PATJ: variants seen among roughly 807,000 people sequenced by gnomAD.
PATJ encodes PATJ crumbs cell polarity complex component, also known as inaD-like protein.
Under a neutral mutation model 224.9 loss-of-function variants are expected in PATJ, and 190 were observed. The observed-to-expected ratio is 0.84, with a 90% confidence interval of 0.75 to 0.95. PATJ has a LOEUF of 0.95. PATJ is among the 40% of genes least tolerant of loss of function. The pLI, the probability that PATJ is intolerant of heterozygous loss-of-function variation, is 0.00. For missense variants in PATJ, 2,121 were observed against 2,270.3 expected (o/e 0.93, Z 1.34); for synonymous variants, 769 against 820.3 (o/e 0.94, Z 1.07).
chr1:62,104,561 C>T (rs1662647825), intron 33 of PATJ, among the ~76,000 whole-genome samples: 1 of 152,084 alleles, frequency 6.6e-6, no homozygotes, highest in Non-Finnish European at 1.5e-5. Context: ...CCCCTAAATA[C>T]ACTAGATGAA....
At chr1:62,101,501 CA>C (rs1380955463) in intron 33 of PATJ, among the ~76,000 whole-genome samples, 16 of 152,018 alleles carry the variant, frequency 1.1e-4, no homozygotes, top group African/African-American at 3.9e-4. Flanking sequence ...GACCTCAGGT[CA>C]TCTGCCTGCC....
intron 25 of PATJ, among the ~76,000 whole-genome samples, chr1:61,911,645 C>T (rs1229342185): frequency 6.7e-6 from 1 of 149,834 alleles, no homozygotes; most frequent in Non-Finnish European, 1.5e-5. Flanking sequence ...TAATTTTTTC[C>T]ACTTAATAAC....
At chr1:62,084,835 G>C (rs1250909698) in intron 33 of PATJ, among the ~76,000 whole-genome samples, 187 bp downstream of exon 33, 1 of 152,090 alleles carries the variant, frequency 6.6e-6, no homozygotes, top group African/African-American at 2.4e-5. Context: ...ATTTTCAACA[G>C]TGCTGGGCGC....
At chr1:61,826,537 C>T (rs1658301262) in intron 15 of PATJ, among the ~76,000 whole-genome samples, 1 of 152,062 alleles carries the variant, frequency 6.6e-6, no homozygotes, top group South Asian at 2.1e-4. Context: ...TCTTAGAGAC[C>T]TATAGTTAGA....
intron 27 of PATJ, among the ~76,000 whole-genome samples, chr1:61,977,108 G>C (rs1351137118): frequency 2.0e-5 from 3 of 152,046 alleles, no homozygotes; most frequent in African/African-American, 7.3e-5. Flanking sequence ...TTTTTTTAGA[G>C]ATGGGGTCTC....
chr1:61,850,783 A>C (rs533732255), intron 17 of PATJ, among the ~76,000 whole-genome samples: 1 of 152,330 alleles, frequency 6.6e-6, no homozygotes, highest in African/African-American at 2.4e-5. Context: ...CCTCACCAGG[A>C]AAGTGGGGAT....
chr1:62,112,476 A>G (rs956967883), intron 34 of PATJ, among the ~76,000 whole-genome samples: 2 of 152,156 alleles, frequency 1.3e-5, no homozygotes, highest in African/African-American at 4.8e-5. Flanking sequence ...ACTATACTCC[A>G]GCCTGGGTGA....
chr1:61,970,165 A>AT (rs1682763064), intron 27 of PATJ, among the ~76,000 whole-genome samples: 1 of 150,514 alleles, frequency 6.6e-6, no homozygotes, highest in Admixed American at 6.6e-5. Context: ...CTTGTCATCT[A>AT]TTTTTTCTTC....
At chr1:61,959,703 G>C (rs1680996974) in intron 27 of PATJ, among the ~76,000 whole-genome samples, 1 of 151,968 alleles carries the variant, frequency 6.6e-6, no homozygotes, top group African/African-American at 2.4e-5. Context: ...TGATCTCCCA[G>C]AGTGCTTGGA....
chr1:61,865,031 A>G (rs910345782), intron 20 of PATJ, among the ~76,000 whole-genome samples: 1 of 152,042 alleles, frequency 6.6e-6, no homozygotes, highest in Non-Finnish European at 1.5e-5. Context: ...GTTAGTACAT[A>G]CATATTCTTG....
intron 21 of PATJ, 198 bp downstream of exon 21, chr1:61,875,564 TTC>T (rs1016526329): frequency 9.9e-5 from 42 of 424,266 alleles, no homozygotes; most frequent in African/African-American, 5.6e-4. Context: ...AGTTTTCAGA[TTC>T]TGTTTTTTGA....
At chr1:62,159,239 C>G (rs1374843106) in intron 43 of PATJ, among the ~76,000 whole-genome samples, 3 of 152,106 alleles carry the variant, frequency 2.0e-5, no homozygotes, top group Admixed American at 2.0e-4. Context: ...TTTGCCCAGG[C>G]TGAGTGCAAT....
chr1:62,148,392 TGA>T lies in PATJ; in HGVS notation c.5378+4_5378+5del. On this transcript the variant is annotated splice_donor_region_variant and intron_variant, in intron 42 of 43. Coordinates refer to ENST00000642238, the MANE Select transcript of PATJ (RefSeq NM_001350145.3). ...TGAACACCATCCAGAAGACACAGAG[TGA>T]GTATTTCAGATGCAGAGGGCCTATT... 3.1e-6 allele frequency: 5 copies of T among 1,604,196 alleles called. No individual in the cohort carries two copies. The highest frequency in any genetic ancestry group is 4.3e-6 in the Non-Finnish European group (5 of 1,171,422).
rs904652579 is a variant in PATJ at position 61,862,203 on chromosome 1, A to G, written c.2439+536A>G. On this transcript the variant is annotated intron_variant, in intron 19 of 43. Transcript: ENST00000642238. ...ATATATATATATAGTTGTTGTTGTTATTTTGTTTTTTTTGACAGACTCTCA... is the reference window on the plus strand; with the variant it reads ...ATATATATATATAGTTGTTGTTGTTGTTTTGTTTTTTTTGACAGACTCTCA... Among the ~76,000 whole-genome samples the G allele has an allele frequency of 2.7e-5, 4 of 149,714 alleles. No individual in the cohort carries two copies. The South Asian group carries it at 8.5e-4, about 32-fold the overall frequency.
chr1:61,879,879 C>G (rs1471336136), intron 21 of PATJ, among the ~76,000 whole-genome samples: 1 of 151,516 alleles, frequency 6.6e-6, no homozygotes, highest in Non-Finnish European at 1.5e-5. Context: ...CACTCTGTCA[C>G]CCAGGCTGGA....
At chr1:61,936,219 A>G (rs1676845337) in intron 27 of PATJ, among the ~76,000 whole-genome samples, 1 of 149,838 alleles carries the variant, frequency 6.7e-6, no homozygotes, top group African/African-American at 2.5e-5. Context: ...TTCATTTCAC[A>G]TATAAAATAT....
intron 26 of PATJ, among the ~76,000 whole-genome samples, chr1:61,917,152 G>T (rs1334873928): frequency 6.6e-6 from 1 of 152,106 alleles, no homozygotes; most frequent in Admixed American, 6.5e-5. Context: ...GCAAGTAGGG[G>T]GTTTGTTTTG....
intron 1 of PATJ, among the ~76,000 whole-genome samples, chr1:61,749,700 A>C (rs1645218505): frequency 6.6e-6 from 1 of 151,244 alleles, no homozygotes; most frequent in Non-Finnish European, 1.5e-5. Flanking sequence ...TTTTGGAGAC[A>C]GGGTCTCACT....
At chr1:62,049,457 A>G (rs1286299865) in intron 30 of PATJ, among the ~76,000 whole-genome samples, 1 of 152,168 alleles carries the variant, frequency 6.6e-6, no homozygotes, top group African/African-American at 2.4e-5. Context: ...AGTGAGATTG[A>G]ATGTCTCAAA....
Sources: gnomAD v4.1 joint callset for allele counts (sites outside exome capture counted in the v4.1 genomes callset) on GRCh38, gnomAD v4.1.1 for gene constraint, MANE v1.5 for transcripts, NCBI Gene and HGNC (gene_info 2026-07-23, HGNC 2026-07-21) for gene names.